SPTAN1: variants seen among roughly 807,000 people sequenced by gnomAD.
SPTAN1 encodes spectrin alpha, non-erythrocytic 1.
A neutral mutation model predicts 331.3 loss-of-function variants in SPTAN1; 61 were observed. The observed-to-expected ratio is 0.18, with a 90% CI of 0.15 to 0.23. The LOEUF (loss-of-function observed/expected upper bound fraction) is 0.23, where lower values mean the gene tolerates loss of function less well. Among genes scored for constraint, SPTAN1 ranks in the 10% least tolerant of loss-of-function variants. SPTAN1 has a pLI of 1.00. For missense variants in SPTAN1, 2,043 were observed against 3,147.9 expected, an observed-to-expected ratio of 0.65 and a Z score of 8.40; for synonymous variants, 1,153 against 1,173.9, an observed-to-expected ratio of 0.98 and a Z score of 0.36.
intron 1 of SPTAN1, among the ~76,000 whole-genome samples, chr9:128,561,593 G>C (rs1849353990): frequency 7.3e-6 from 1 of 137,840 alleles, no homozygotes; most frequent in African/African-American, 2.7e-5. Context: ...AACCGGGGAG[G>C]CGGAGCTTGC....
chr9:128,613,563 T>A, intron 40 of SPTAN1, 78 bp downstream of exon 40: 1 of 1,231,440 alleles, frequency 8.1e-7, no homozygotes, highest in Non-Finnish European at 1.2e-6. Context: ...CAAGCGTGTT[T>A]GAGAAAAGAG....
intron 15 of SPTAN1, 147 bp from the exon 16 acceptor site, chr9:128,583,641 A>G: frequency 3.4e-6 from 3 of 873,830 alleles, no homozygotes; most frequent in South Asian, 1.5e-5. Flanking sequence ...AGAGGCTGCA[A>G]TTGATATTTT....
intron 1 of SPTAN1, among the ~76,000 whole-genome samples, chr9:128,558,098 C>G (rs1221662486): frequency 6.6e-6 from 1 of 152,150 alleles, no homozygotes; most frequent in East Asian, 1.9e-4. Flanking sequence ...CCACCGCGCC[C>G]AGCTGTATAT....
chr9:128,625,867 C>T lies in SPTAN1; in HGVS notation c.6168C>T (p.Ser2056=), dbSNP rs1161220504. The T allele has an allele frequency of 2.5e-6, 4 of 1,614,204 alleles. No homozygotes were observed. In the South Asian group the frequency reaches 3.3e-5, roughly 13 times the overall value. ...DQLLAAKHVQ[S]KAIEARHASL... ...TTCTCGCCGCCAAACACGTTCAGTC[C>T]AAGGCCATCGAGGCCCGGCACGCCT... Residue 2056 remains serine, a synonymous_variant, in exon 48 of 57, where the codon TCC becomes TCT. Coordinates refer to ENST00000372739, the MANE Select transcript of SPTAN1 (RefSeq NM_001130438.3). The surrounding 1 kb of genome is among the most constrained non-coding windows in gnomAD (Gnocchi z 4.1).
chr9:128,578,131 C>T lies in SPTAN1; in HGVS notation c.1107C>T (p.Asp369=), dbSNP rs1851517507. 6.2e-7 allele frequency: 1 copy of T among 1,614,074 alleles called. No individual in the cohort carries two copies. Among genetic ancestry groups the T allele is most frequent in the African/African-American group, 1.3e-5 (1 of 74,916 alleles). The change falls in exon 9 of 57, where the codon GAC becomes GAT. Residue 369 remains aspartate (D), a synonymous_variant. Transcript: ENST00000372739. Reference sequence around the variant, plus strand: ...CTAGGCTTCAACGCTTCCTTGCTGACTTCCGTGACCTCACCAGCTGGGTGA... The same window carrying T: ...CTAGGCTTCAACGCTTCCTTGCTGATTTCCGTGACCTCACCAGCTGGGTGA... ...DSYRLQRFLA[D]FRDLTSWVTE...
At position 128,604,828 on chromosome 9, in the gene SPTAN1, G is replaced by A. The variant is rs12351128; in HGVS notation, c.3720-206G>A. On this transcript the variant is annotated intron_variant, in intron 29 of 56. Coordinates refer to ENST00000372739, the MANE Select transcript of SPTAN1 (RefSeq NM_001130438.3). Reference sequence around the variant, plus strand: ...CGCCTGTAATCCTAGCTACTTGGGAGGTTGAGGCAGGAGAATCACTTGAAC... The same window carrying A: ...CGCCTGTAATCCTAGCTACTTGGGAAGTTGAGGCAGGAGAATCACTTGAAC... Among the ~76,000 whole-genome samples, 594 of 152,258 alleles carry A rather than the reference G, an allele frequency of 3.9e-3. 5 individuals are homozygous for A. The highest frequency in any genetic ancestry group is 0.014 in the African/African-American group (569 of 41,546).
chr9:128,592,237 G>A (rs1370389912), intron 22 of SPTAN1, among the ~76,000 whole-genome samples: 1 of 151,028 alleles, frequency 6.6e-6, no homozygotes, highest in Non-Finnish European at 1.5e-5. Context: ...TATAGATTCT[G>A]TTACTATAGA....
At chr9:128,563,010 A>ATG (rs1418651445) in intron 1 of SPTAN1, among the ~76,000 whole-genome samples, 2 of 116,650 alleles carry the variant, frequency 1.7e-5, no homozygotes, top group Admixed American at 8.4e-5. Context: ...ATATATATAT[A>ATG]TATATATATA....
intron 38 of SPTAN1, 111 bp from the exon 39 acceptor site, chr9:128,611,998 C>T: frequency 6.2e-7 from 1 of 1,601,118 alleles, no homozygotes; most frequent in African/African-American, 1.3e-5. Flanking sequence ...GTGAGAATGG[C>T]TCCTATGAGT....
intron 1 of SPTAN1, among the ~76,000 whole-genome samples, chr9:128,557,545 AT>A (rs946455299): frequency 6.7e-6 from 1 of 150,298 alleles, no homozygotes; most frequent in Non-Finnish European, 1.5e-5. Context: ...ATACCCCCCA[AT>A]TTTTTTTATT....
At chr9:128,604,610 A>G (rs1360121508) in intron 29 of SPTAN1, among the ~76,000 whole-genome samples, 193 bp downstream of exon 29, 1 of 152,232 alleles carries the variant, frequency 6.6e-6, no homozygotes, top group Non-Finnish European at 1.5e-5. Context: ...GGTGGTAGCC[A>G]CAGACAAATA....
chr9:128,587,010 G>A (rs1852740618), intron 19 of SPTAN1, among the ~76,000 whole-genome samples: 1 of 151,948 alleles, frequency 6.6e-6, no homozygotes, highest in Admixed American at 6.6e-5. Flanking sequence ...TAGGAGAGAT[G>A]GGGTTTCACC....
intron 24 of SPTAN1, among the ~76,000 whole-genome samples, chr9:128,597,607 C>A (rs1487681408): frequency 1.3e-5 from 2 of 152,186 alleles, no homozygotes; most frequent in Non-Finnish European, 2.9e-5. Flanking sequence ...CATAGGGATA[C>A]CTGTTGAACA....
rs1197311171 is a variant in SPTAN1 at position 128,605,288 on chromosome 9, T to C, written c.3865-8T>C. On this transcript the variant is annotated splice_region_variant and splice_polypyrimidine_tract_variant and intron_variant, in intron 30 of 56. Transcript: ENST00000372739. ...ACTGCAAGCTCATTCACCACTTTCT[T>C]CCCATAGGTAAACTCCCTTGGTGAA... is the stretch of plus-strand genomic sequence containing the variant. 1.2e-6 allele frequency: 2 copies of C among 1,614,064 alleles called. No homozygotes were observed. Among genetic ancestry groups the C allele is most frequent in the Admixed American group, 1.7e-5 (1 of 60,006 alleles).
At position 128,609,244 on chromosome 9, in the gene SPTAN1, C is replaced by T. The variant is rs1289522984; in HGVS notation, c.4718C>T (p.Thr1573Ile). 1 of 1,614,236 alleles carries T rather than the reference C, an allele frequency of 6.2e-7. No individual in the cohort carries two copies. The highest frequency in any genetic ancestry group is 1.7e-5 in the Admixed American group (1 of 60,024). Reference sequence around the variant, plus strand: ...GCTTGGATCAGTGAAAAATTGCAAACAGCGAGTGATGAGTCGTACAAGGAT... The same window carrying T: ...GCTTGGATCAGTGAAAAATTGCAAATAGCGAGTGATGAGTCGTACAAGGAT... ...IEAWISEKLQ[T>I]ASDESYKDPT... The change falls in exon 36 of 57, where the codon ACA becomes ATA. Residue 1573 changes from threonine (T) to isoleucine (I), a missense_variant. Physicochemically the swap from Thr to Ile is moderately conservative, Grantham distance 89 (BLOSUM62 -1). Transcript: ENST00000372739.
Position 128,574,807 on chromosome 9 carries a change from A to C in SPTAN1, c.496A>C (p.Asn166His). 6.2e-7 allele frequency: 1 copy of C among 1,614,066 alleles called. No homozygotes were observed. The highest frequency in any genetic ancestry group is 8.5e-7 in the Non-Finnish European group (1 of 1,179,918). Residue 166 changes from asparagine (N) to histidine (H), a missense_variant, in exon 4 of 57, where the codon AAT becomes CAT. By Grantham distance (68) the Asn-to-His change is moderately conservative (BLOSUM62 1). This residue lies in a region of SPTAN1 where 1,038 missense variants were observed against 1,531.5 expected (regional missense o/e 0.68). Coordinates refer to ENST00000372739, the MANE Select transcript of SPTAN1 (RefSeq NM_001130438.3). ...RECEDVMDWI[N>H]DKEAIVTSEE... ...ATGTGAGGACGTGATGGACTGGATC[A>C]ATGACAAGGCACGTTTTGGGAAGAA...
chr9:128,605,608 C>A, intron 31 of SPTAN1, 131 bp downstream of exon 31: 1 of 1,189,820 alleles, frequency 8.4e-7, no homozygotes, highest in Non-Finnish European at 1.2e-6. Flanking sequence ...CTTTGGGGGG[C>A]CAAGGCAAGC....
intron 1 of SPTAN1, among the ~76,000 whole-genome samples, chr9:128,558,420 T>C (rs1360283386): frequency 1.3e-5 from 2 of 152,212 alleles, no homozygotes; most frequent in African/African-American, 2.4e-5. Context: ...ATAGAGAATA[T>C]ACTTAGCACT....
intron 12 of SPTAN1, 100 bp downstream of exon 12, chr9:128,581,992 T>C (rs374104296): frequency 3.0e-4 from 268 of 887,344 alleles, no homozygotes; most frequent in Middle Eastern, 6.4e-4. Flanking sequence ...AAGATTCATA[T>C]GCAGAGTACT....
Sources: allele counts gnomAD v4.1 joint callset (sites outside exome capture counted in the v4.1 genomes callset), GRCh38; gene constraint gnomAD v4.1.1; regional missense constraint gnomAD v4.1.1; non-coding constraint Gnocchi (gnomAD v3.1); transcripts MANE v1.5; gene names NCBI Gene and HGNC (gene_info 2026-07-23, HGNC 2026-07-21).